SPRED2: variants seen among roughly 807,000 people sequenced by gnomAD.
The protein encoded by SPRED2 is sprouty-related, EVH1 domain-containing protein 2.
Under a neutral mutation model 43.0 loss-of-function variants are expected in SPRED2, and 47 were observed. The observed-to-expected ratio is 1.09, with a 90% confidence interval of 0.87 to 1.40. The LOEUF is 1.40. SPRED2 is among the 40% of genes most tolerant of loss of function. SPRED2 has a pLI of 0.00. For missense variants in SPRED2, 561 were observed against 586.4 expected, an observed-to-expected ratio of 0.96 and a Z score of 0.45; for synonymous variants, 225 against 225.7, an observed-to-expected ratio of 1.00 and a Z score of 0.03.
At chr2:65,401,933 GCGCGCA>G (rs1175818925) in intron 1 of SPRED2, among the ~76,000 whole-genome samples, 66 of 83,822 alleles carry the variant, frequency 7.9e-4, no homozygotes, top group South Asian at 7.5e-3. Context: ...ATTAGCGCGC[GCGCGCA>G]CACACACACA....
chr2:65,406,967 C>A (rs578116815), intron 1 of SPRED2, among the ~76,000 whole-genome samples: 4 of 150,292 alleles, frequency 2.7e-5, no homozygotes, highest in African/African-American at 4.9e-5. Context: ...CTCGCTCTGT[C>A]GCCCAGGCTG....
At chr2:65,397,125 A>G in intron 1 of SPRED2, among the ~76,000 whole-genome samples, 1 of 152,186 alleles carries the variant, frequency 6.6e-6, no homozygotes, top group East Asian at 1.9e-4. Context: ...AAAAGATTTG[A>G]CTTTTCTCTC....
chr2:65,422,069 G>A (rs1238369541), intron 1 of SPRED2, among the ~76,000 whole-genome samples: 1 of 113,328 alleles, frequency 8.8e-6, no homozygotes, highest in African/African-American at 3.4e-5. Flanking sequence ...GTACGTGCTT[G>A]TATGTACAAC....
intron 1 of SPRED2, among the ~76,000 whole-genome samples, chr2:65,387,601 T>C (rs1290133805): frequency 2.0e-5 from 3 of 152,210 alleles, no homozygotes; most frequent in Non-Finnish European, 4.4e-5. Context: ...TTTGTGTGCA[T>C]ACTAACTCCA....
At chr2:65,380,936 T>C (rs557757769) in intron 1 of SPRED2, among the ~76,000 whole-genome samples, 2 of 152,334 alleles carry the variant, frequency 1.3e-5, no homozygotes, top group South Asian at 2.1e-4. Context: ...ATTAATGACA[T>C]TGACATGCCA....
intron 1 of SPRED2, among the ~76,000 whole-genome samples, chr2:65,362,962 C>A (rs926651900): frequency 2.7e-5 from 4 of 149,580 alleles, no homozygotes; most frequent in Admixed American, 2.6e-4. Context: ...AGCAGGCCAG[C>A]CTGCTTCTGC....
chr2:65,372,498 G>A (rs562043363), intron 1 of SPRED2, among the ~76,000 whole-genome samples: 1 of 152,316 alleles, frequency 6.6e-6, no homozygotes, highest in African/African-American at 2.4e-5. Context: ...GAGGCCAGGT[G>A]TCTATGAGAG....
chr2:65,341,450 C>T (rs1269919474), intron 2 of SPRED2, among the ~76,000 whole-genome samples: 1 of 152,004 alleles, frequency 6.6e-6, no homozygotes, highest in Non-Finnish European at 1.5e-5. Flanking sequence ...CACGACTCAG[C>T]GGGGGCGGAC....
At chr2:65,411,050 C>A (rs1186801012) in intron 1 of SPRED2, among the ~76,000 whole-genome samples, 1 of 152,208 alleles carries the variant, frequency 6.6e-6, no homozygotes, top group Non-Finnish European at 1.5e-5. Flanking sequence ...CAATTGCTAA[C>A]TCTAAGGGTT....
At chr2:65,308,566 C>T (rs1028360054), downstream of SPRED2, 27 of 985,274 alleles carry the variant, frequency 2.7e-5, no homozygotes, top group Non-Finnish European at 3.3e-5. Flanking sequence ...CTGATGTTTC[C>T]TCAGGGCCTC....
At chr2:65,412,491 AC>A (rs1676185048) in intron 1 of SPRED2, among the ~76,000 whole-genome samples, 1 of 152,176 alleles carries the variant, frequency 6.6e-6, no homozygotes, top group African/African-American at 2.4e-5. Context: ...GCTAAAAGTC[AC>A]CTAGCACTAG....
rs866041887 is a variant in SPRED2, at chr2:65,372,902, A to T, written c.27-28006T>A. Reference sequence around the variant, plus strand: ...ATTAGACCTGAAGCTGCTCTGTAAAATTCTAAGAATAGTCTTAAGCAGAGA... The same window carrying T: ...ATTAGACCTGAAGCTGCTCTGTAAATTTCTAAGAATAGTCTTAAGCAGAGA... On this transcript the variant is annotated intron_variant, in intron 1 of 5. Transcript: ENST00000356388. Among the ~76,000 whole-genome samples, 6 of 152,224 alleles carry T rather than the reference A, an allele frequency of 3.9e-5. No individual in the cohort carries two copies. In the South Asian group the frequency reaches 8.3e-4, roughly 21 times the overall value.
chr2:65,340,062 A>T (rs535567234), intron 2 of SPRED2, among the ~76,000 whole-genome samples: 8 of 152,256 alleles, frequency 5.3e-5, no homozygotes, highest in African/African-American at 1.7e-4. Flanking sequence ...CACTCTTCTC[A>T]TAATTACTTT....
At chr2:65,389,888 G>A (rs1382861827) in intron 1 of SPRED2, among the ~76,000 whole-genome samples, 1 of 152,172 alleles carries the variant, frequency 6.6e-6, no homozygotes, top group Non-Finnish European at 1.5e-5. Flanking sequence ...AAAATGGAAA[G>A]TAAAGCAAGT....
Position 65,366,681 on chromosome 2 carries a change from C to T in SPRED2, c.27-21785G>A, listed in dbSNP as rs1053104814. On this transcript the variant is annotated intron_variant, in intron 1 of 5. Coordinates refer to ENST00000356388, the MANE Select transcript of SPRED2 (RefSeq NM_181784.3). ...TATAAAGCTTCCGATAAAAATGGAT[C>T]GTCTCTTGCTGACCTGAGAACCAGC... The T allele has an allele frequency of 7.8e-6, 12 of 1,540,718 alleles. No individual in the cohort carries two copies. The African/African-American group carries it at 8.3e-5, about 11-fold the overall frequency.
chr2:65,388,539 G>A (rs1675557573), intron 1 of SPRED2, among the ~76,000 whole-genome samples: 1 of 152,170 alleles, frequency 6.6e-6, no homozygotes, highest in South Asian at 2.1e-4. Flanking sequence ...TGAGTACAGT[G>A]AGGGTGGCTG....
chr2:65,373,398 C>A (rs1321390428), intron 1 of SPRED2, among the ~76,000 whole-genome samples: 1 of 152,162 alleles, frequency 6.6e-6, no homozygotes, highest in Non-Finnish European at 1.5e-5. Flanking sequence ...AAAGCTATGT[C>A]CCTGATGCTG....
At chr2:65,337,954 A>T (rs1456936359) in intron 2 of SPRED2, among the ~76,000 whole-genome samples, 1 of 152,232 alleles carries the variant, frequency 6.6e-6, no homozygotes, top group East Asian at 1.9e-4. Context: ...CGATATTAAG[A>T]AATGTAGTTT....
intron 1 of SPRED2, among the ~76,000 whole-genome samples, chr2:65,384,220 T>C (rs1675440857): frequency 6.6e-6 from 1 of 152,024 alleles, no homozygotes; most frequent in African/African-American, 2.4e-5. Context: ...AGCGTGGTGT[T>C]ATCAGCCTCC....
Sources: allele counts gnomAD v4.1 joint callset (sites outside exome capture counted in the v4.1 genomes callset), GRCh38; gene constraint gnomAD v4.1.1; transcripts MANE v1.5; gene names NCBI Gene and HGNC (gene_info 2026-07-23, HGNC 2026-07-21).